LOXL2: variants seen among roughly 807,000 people sequenced by gnomAD.
The protein encoded by LOXL2 is lysyl oxidase homolog 2.
A neutral mutation model predicts 93.0 loss-of-function variants in LOXL2; 70 were observed. That is an observed-to-expected ratio of 0.75 (90% confidence interval 0.62 to 0.92). The LOEUF is 0.92. Ranked by LOEUF, LOXL2 falls within the 40% of genes least tolerant of loss-of-function variation. The probability of loss-of-function intolerance (pLI) is 0.00; values close to 1 mark genes in which losing one functional copy is unlikely to be tolerated. For missense variants in LOXL2, 973 were observed against 1,054.9 expected (o/e 0.92, Z 1.08); for synonymous variants, 438 against 413.2 (o/e 1.06, Z -0.73).
At chr8:23,393,037 A>G (rs777869820) in intron 1 of LOXL2, among the ~76,000 whole-genome samples, 2 of 152,236 alleles carry the variant, frequency 1.3e-5, no homozygotes, top group Non-Finnish European at 2.9e-5. Flanking sequence ...AAACTACAAA[A>G]CATTGTTAAA....
intron 5 of LOXL2, among the ~76,000 whole-genome samples, chr8:23,332,246 C>T: frequency 1.1e-5 from 1 of 87,442 alleles, no homozygotes; most frequent in East Asian, 3.7e-4. Flanking sequence ...CACACCCCCA[C>T]ACACTTATAC....
At chr8:23,361,582 C>G (rs1213110490) in intron 2 of LOXL2, among the ~76,000 whole-genome samples, 1 of 152,202 alleles carries the variant, frequency 6.6e-6, no homozygotes, top group Admixed American at 6.5e-5. Context: ...GTGGCTCACG[C>G]CTGTAATCCC....
intron 3 of LOXL2, among the ~76,000 whole-genome samples, chr8:23,356,111 G>A (rs560819075): frequency 3.2e-4 from 49 of 152,124 alleles, no homozygotes; most frequent in Admixed American, 8.5e-4. Flanking sequence ...TCCTAGTTTT[G>A]TATCTCCCAT....
intron 1 of LOXL2, chr8:23,371,108 G>A (rs1207542261): frequency 6.6e-6 from 1 of 152,130 alleles, no homozygotes; most frequent in Non-Finnish European, 1.5e-5. Context: ...ACTAACAGCT[G>A]GTCCCCTCAA....
chr8:23,373,328 A>C (rs535744433), intron 1 of LOXL2, among the ~76,000 whole-genome samples: 60 of 152,248 alleles, frequency 3.9e-4, no homozygotes, highest in African/African-American at 1.4e-3. Flanking sequence ...CTTTGAATTC[A>C]GGAAGGTTTT....
chr8:23,384,798 C>T (rs1804733795), intron 1 of LOXL2, among the ~76,000 whole-genome samples: 1 of 152,086 alleles, frequency 6.6e-6, no homozygotes, highest in South Asian at 2.1e-4. Flanking sequence ...CCTGTAATCC[C>T]AGCTACTTGG....
chr8:23,303,477 G>T (rs1159713509), intron 10 of LOXL2, 80 bp from the exon 11 acceptor site: 1 of 821,866 alleles, frequency 1.2e-6, no homozygotes, highest in East Asian at 2.5e-5. Context: ...CTGGCGATTT[G>T]CCTCTGGGAA....
intron 1 of LOXL2, among the ~76,000 whole-genome samples, chr8:23,369,529 G>C (rs1804465145): frequency 6.6e-6 from 1 of 152,122 alleles, no homozygotes; most frequent in Non-Finnish European, 1.5e-5. Flanking sequence ...GGAAGGACTG[G>C]CTAACTTTCC....
At chr8:23,360,701 G>A (rs879340180) in intron 2 of LOXL2, among the ~76,000 whole-genome samples, 83 of 152,144 alleles carry the variant, frequency 5.5e-4, no homozygotes, top group African/African-American at 1.9e-3. Context: ...TACGAAGCCT[G>A]TGCCTAGTTC....
chr8:23,369,334 G>A (rs754857157), intron 1 of LOXL2, among the ~76,000 whole-genome samples: 14 of 152,116 alleles, frequency 9.2e-5, no homozygotes, highest in South Asian at 2.1e-4. Context: ...TGGTCCTCCC[G>A]TAATTCAGAG....
intron 1 of LOXL2, among the ~76,000 whole-genome samples, chr8:23,390,353 A>C (rs1052075554): frequency 4.7e-4 from 72 of 152,232 alleles, no homozygotes; most frequent in African/African-American, 1.7e-3. Flanking sequence ...AAGAATGGAG[A>C]CTTTAACACC....
chr8:23,367,651 G>A (rs890314922), intron 2 of LOXL2, among the ~76,000 whole-genome samples: 9 of 152,210 alleles, frequency 5.9e-5, no homozygotes, highest in African/African-American at 7.2e-5. Context: ...CATATGGGGC[G>A]GAGAGAGGAG....
chr8:23,362,180 T>G (rs1442010608), intron 2 of LOXL2, among the ~76,000 whole-genome samples: 2 of 152,162 alleles, frequency 1.3e-5, no homozygotes, highest in Non-Finnish European at 2.9e-5. Context: ...GGGAGGAAAC[T>G]CTGAAACCTG....
chr8:23,345,574 G>C (rs1416038627), intron 3 of LOXL2, among the ~76,000 whole-genome samples: 5 of 152,272 alleles, frequency 3.3e-5, no homozygotes, highest in Middle Eastern at 3.4e-3. Flanking sequence ...GACTGAGTTA[G>C]ACCTCTTAGA....
chr8:23,319,971 T>A lies in LOXL2; in HGVS notation c.1384A>T (p.Met462Leu). Residue 462 changes from methionine to leucine, a missense_variant, in exon 8 of 14, where the codon ATG (methionine) becomes TTG (leucine). Physicochemically the swap from Met to Leu is conservative, Grantham distance 15. Coordinates refer to ENST00000389131, the MANE Select transcript of LOXL2 (RefSeq NM_002318.3). ...VERNGSLVWGMVCGQNWGIVE... is the reference protein window; with the variant it reads ...VERNGSLVWGLVCGQNWGIVE... ...ATGCCCCAGTTTTGGCCACACACCA[T>A]CCCCCACACAAGGGACCCGTTTCTC... The A allele has an allele frequency of 6.2e-7, 1 of 1,613,764 alleles. No homozygotes were observed. The highest frequency in any genetic ancestry group is 8.5e-7 in the Non-Finnish European group (1 of 1,179,896).
At chr8:23,392,935 T>C (rs1488566313) in intron 1 of LOXL2, among the ~76,000 whole-genome samples, 2 of 151,948 alleles carry the variant, frequency 1.3e-5, no homozygotes, top group African/African-American at 4.8e-5. Flanking sequence ...AAATTCAAAA[T>C]GAAATAAAGC....
chr8:23,345,524 G>A (rs1438522153), intron 3 of LOXL2, among the ~76,000 whole-genome samples: 1 of 152,202 alleles, frequency 6.6e-6, no homozygotes, highest in Non-Finnish European at 1.5e-5. Flanking sequence ...GCCCTCTGGG[G>A]CACACATTCG....
intron 6 of LOXL2, among the ~76,000 whole-genome samples, chr8:23,325,669 A>T (rs1373701772): frequency 1.3e-5 from 2 of 152,248 alleles, no homozygotes; most frequent in African/African-American, 4.8e-5. Flanking sequence ...CAACTGGAAC[A>T]CATTCATTCA....
intron 4 of LOXL2, chr8:23,336,169 G>A (rs1803788325): frequency 6.6e-6 from 1 of 152,442 alleles, no homozygotes; most frequent in African/African-American, 2.4e-5. Flanking sequence ...CCTTGGCTCA[G>A]GAAAACCCCT....
Sources: gnomAD v4.1 joint callset for allele counts (sites outside exome capture counted in the v4.1 genomes callset) on GRCh38, gnomAD v4.1.1 for gene constraint, MANE v1.5 for transcripts, NCBI Gene and HGNC (gene_info 2026-07-23, HGNC 2026-07-21) for gene names.